Variants in ARID5B observed in about 807,000 individuals in gnomAD.
ARID5B encodes AT-rich interactive domain-containing protein 5B.
A neutral mutation model predicts 97.2 loss-of-function variants in ARID5B; 13 were observed. The observed-to-expected ratio is 0.13, with a 90% CI of 0.09 to 0.21. ARID5B has a LOEUF of 0.21. Ranked by LOEUF, ARID5B falls within the 10% of genes least tolerant of loss-of-function variation. The probability of loss-of-function intolerance (pLI) is 1.00; values close to 1 mark genes in which losing one functional copy is unlikely to be tolerated. For missense variants in ARID5B, 1,210 were observed against 1,465.3 expected, an observed-to-expected ratio of 0.83 and a Z score of 2.84; for synonymous variants, 556 against 570.3, an observed-to-expected ratio of 0.97 and a Z score of 0.36.
Position 62,000,447 on chromosome 10 carries a change from C to G in ARID5B, c.733+126C>G. 2 of 814,670 alleles carry G rather than the reference C, an allele frequency of 2.5e-6. No homozygotes were observed. Among genetic ancestry groups the G allele is most frequent in the Non-Finnish European group, 3.8e-6 (2 of 528,298 alleles). The allele number at this position is 814,670 out of a possible 1,614,324, so 50.5% of individuals were successfully genotyped here. A position where few individuals can be genotyped will look rare whatever the true frequency, so the allele number is the denominator to read the frequency against. ...ACAAGCCCCATGTGCTGCCCCACCC[C>G]TCCCATCCCCCAAATTATTGCGGCA... On this transcript the variant is annotated intron_variant, in intron 4 of 9. Transcript: ENST00000279873. This position sits in a 1 kb window ranked among gnomAD's most constrained non-coding sequence, Gnocchi z 4.4.
At chr10:62,036,068 A>G (rs1426259498) in intron 4 of ARID5B, among the ~76,000 whole-genome samples, 1 of 151,588 alleles carries the variant, frequency 6.6e-6, no homozygotes, top group Non-Finnish European at 1.5e-5. Context: ...GAGGTGATCC[A>G]CCCACCTCAG....
At position 62,094,746 on chromosome 10, in the gene ARID5B, G is replaced by A. The variant is rs1009666139; in HGVS notation, c.*1716G>A. Reference sequence around the variant, plus strand: ...CCAAGTCCCATCCCTGCTGAAGACCGCTTGGATGAACTCCCCAACCCACTG... The same window carrying A: ...CCAAGTCCCATCCCTGCTGAAGACCACTTGGATGAACTCCCCAACCCACTG... On this transcript the variant is annotated 3_prime_UTR_variant, in exon 10 of 10. Coordinates refer to ENST00000279873, the MANE Select transcript of ARID5B (RefSeq NM_032199.3). 21 of 231,338 alleles carry A rather than the reference G, an allele frequency of 9.1e-5. No homozygotes were observed. Among genetic ancestry groups the A allele is most frequent in the South Asian group, 3.6e-4 (2 of 5,500 alleles). The allele number at this position is 231,338 out of a possible 1,614,324, so 14.3% of individuals were successfully genotyped here. A position where few individuals can be genotyped will look rare whatever the true frequency, so the allele number is the denominator to read the frequency against.
intron 4 of ARID5B, among the ~76,000 whole-genome samples, chr10:62,017,211 G>A (rs1839295020): frequency 6.6e-6 from 1 of 152,154 alleles, no homozygotes; most frequent in Non-Finnish European, 1.5e-5. Context: ...CCATGACTTT[G>A]GGAGGCCAAG....
chr10:62,014,916 T>C (rs1839263922), intron 4 of ARID5B, among the ~76,000 whole-genome samples: 1 of 152,230 alleles, frequency 6.6e-6, no homozygotes, highest in African/African-American at 2.4e-5. Flanking sequence ...TAAGAACTCC[T>C]GGACTGGGTG....
At chr10:62,062,946 C>G (rs1839940975) in intron 7 of ARID5B, among the ~76,000 whole-genome samples, 1 of 152,152 alleles carries the variant, frequency 6.6e-6, no homozygotes, top group Non-Finnish European at 1.5e-5. Flanking sequence ...AATTGTCTCA[C>G]CCTCTGTAGC....
At chr10:61,954,101 G>A (rs1345395267) in intron 3 of ARID5B, among the ~76,000 whole-genome samples, 1 of 152,134 alleles carries the variant, frequency 6.6e-6, no homozygotes, top group East Asian at 1.9e-4. Flanking sequence ...GCTCATGCCT[G>A]TAATCCCAGC....
At chr10:61,998,718 C>T (rs538271867) in intron 3 of ARID5B, among the ~76,000 whole-genome samples, 7 of 152,242 alleles carry the variant, frequency 4.6e-5, no homozygotes, top group South Asian at 2.1e-4. Flanking sequence ...GTCCTCCCAG[C>T]ATGGTTCTCT....
intron 7 of ARID5B, among the ~76,000 whole-genome samples, chr10:62,060,411 A>G (rs915743940): frequency 6.6e-6 from 1 of 152,220 alleles, no homozygotes; most frequent in Non-Finnish European, 1.5e-5. Context: ...AATATGTTTC[A>G]TATATGGCGT....
chr10:62,086,542 A>C (rs1048428121), intron 9 of ARID5B, among the ~76,000 whole-genome samples: 3 of 151,992 alleles, frequency 2.0e-5, no homozygotes, highest in Admixed American at 2.0e-4. Context: ...TCTACTAAAA[A>C]TACAAAAAAT....
At chr10:61,940,538 T>A in intron 3 of ARID5B, 130 bp downstream of exon 3, 1 of 800,126 alleles carries the variant, frequency 1.2e-6, no homozygotes, top group Non-Finnish European at 1.9e-6. Flanking sequence ...CAAAGGGTCC[T>A]AAGAATATGG....
chr10:62,014,372 C>A (rs531211680), intron 4 of ARID5B, among the ~76,000 whole-genome samples: 1 of 152,104 alleles, frequency 6.6e-6, no homozygotes, highest in Non-Finnish European at 1.5e-5. Context: ...TGCTTCTGTT[C>A]GGGTGTGATG....
At chr10:62,069,859 T>A in intron 8 of ARID5B, 62 bp downstream of exon 8, 1 of 1,536,990 alleles carries the variant, frequency 6.5e-7, no homozygotes, top group South Asian at 1.1e-5. Flanking sequence ...GAGCTTCTGG[T>A]CAAGGATAAG....
At chr10:61,990,254 G>A (rs1838905541) in intron 3 of ARID5B, among the ~76,000 whole-genome samples, 1 of 152,216 alleles carries the variant, frequency 6.6e-6, no homozygotes, top group African/African-American at 2.4e-5. Context: ...GCTCCCAGAA[G>A]TCAGTGCAGT....
intron 4 of ARID5B, among the ~76,000 whole-genome samples, chr10:62,043,022 T>G (rs979865398): frequency 3.3e-5 from 5 of 151,720 alleles, no homozygotes. Flanking sequence ...CATGCTATGG[T>G]ATATAGACCC....
intron 3 of ARID5B, among the ~76,000 whole-genome samples, chr10:61,946,953 T>C (rs1290827206): frequency 6.6e-6 from 1 of 152,120 alleles, no homozygotes; most frequent in Non-Finnish European, 1.5e-5. Flanking sequence ...GCCTTTATAG[T>C]ATCCTTAAGT....
At chr10:61,988,243 A>G (rs1306032724) in intron 3 of ARID5B, among the ~76,000 whole-genome samples, 2 of 152,200 alleles carry the variant, frequency 1.3e-5, no homozygotes, top group African/African-American at 2.4e-5. Context: ...CAGCTGTTAA[A>G]TTACTTTTAG....
At chr10:61,909,147 G>T (rs868058583) in intron 2 of ARID5B, among the ~76,000 whole-genome samples, 5 of 152,018 alleles carry the variant, frequency 3.3e-5, no homozygotes, top group Non-Finnish European at 7.4e-5. Context: ...CCAGTGGTTG[G>T]TTGTAACCTG....
chr10:61,953,693 T>A (rs1234839264), intron 3 of ARID5B, among the ~76,000 whole-genome samples: 1 of 152,222 alleles, frequency 6.6e-6, no homozygotes, highest in African/African-American at 2.4e-5. Flanking sequence ...AAGCTTTCAC[T>A]CTGCTTTGAT....
chr10:62,061,515 C>T (rs994101640), intron 7 of ARID5B, among the ~76,000 whole-genome samples: 4 of 152,232 alleles, frequency 2.6e-5, no homozygotes, highest in Non-Finnish European at 4.4e-5. Context: ...GAAAGTCCTC[C>T]GATGCTAGCT....
Sources: gnomAD v4.1 joint callset for allele counts (sites outside exome capture counted in the v4.1 genomes callset) on GRCh38, gnomAD v4.1.1 for gene constraint, Gnocchi (gnomAD v3.1) non-coding constraint, MANE v1.5 for transcripts, NCBI Gene and HGNC (gene_info 2026-07-23, HGNC 2026-07-21) for gene names.